The following AMOTL1 variants were observed in gnomAD, a reference collection of about 807,000 sequenced individuals.
The protein encoded by AMOTL1 is angiomotin like 1.
In AMOTL1, 45 loss-of-function variants were observed where a neutral mutation model predicts 102.9. The observed-to-expected ratio is 0.44, with a 90% CI of 0.34 to 0.56. AMOTL1 has a LOEUF of 0.56. Among genes scored for constraint, AMOTL1 ranks in the 20% least tolerant of loss-of-function variants. The pLI, the probability that AMOTL1 is intolerant of heterozygous loss-of-function variation, is 0.01. For synonymous variants in AMOTL1, 481 were observed against 484.7 expected (o/e 0.99, Z 0.10); for missense variants, 1,114 against 1,225.6 (o/e 0.91, Z 1.36).
intron 2 of AMOTL1, among the ~76,000 whole-genome samples, chr11:94,735,342 A>G (rs1950422999): frequency 6.6e-6 from 1 of 152,254 alleles, no homozygotes; most frequent in African/African-American, 2.4e-5. Flanking sequence ...TCTTAGCTCT[A>G]GAAATGCAGC....
At chr11:94,855,009 G>T (rs1467427161) in intron 8 of AMOTL1, among the ~76,000 whole-genome samples, 1 of 152,208 alleles carries the variant, frequency 6.6e-6, no homozygotes, top group African/African-American at 2.4e-5. Context: ...GAAGAAGACT[G>T]GTCAAAGGCT....
intron 6 of AMOTL1, among the ~76,000 whole-genome samples, chr11:94,847,296 G>C (rs528111067): frequency 8.5e-5 from 13 of 152,168 alleles, no homozygotes; most frequent in Non-Finnish European, 1.3e-4. Flanking sequence ...GGGTTTGAAG[G>C]TCGAGTGGAC....
At chr11:94,766,243 C>T (rs1317350540), upstream of AMOTL1, among the ~76,000 whole-genome samples, 3 of 152,182 alleles carry the variant, frequency 2.0e-5, no homozygotes, top group South Asian at 2.1e-4. Flanking sequence ...CTGCAACTAT[C>T]CTAGATAGTC....
chr11:94,721,891 A>G (rs1234150379), intron 1 of AMOTL1, among the ~76,000 whole-genome samples: 1 of 152,108 alleles, frequency 6.6e-6, no homozygotes, highest in Non-Finnish European at 1.5e-5. Context: ...GGCTGTAAAG[A>G]TCTATATATT....
intron 8 of AMOTL1, among the ~76,000 whole-genome samples, chr11:94,856,452 GGTC>G (rs138627018): frequency 0.047 from 7,180 of 152,152 alleles, 552 homozygotes; most frequent in African/African-American, 0.16. Context: ...CCTGTGGGCT[GGTC>G]TGGGGGGCAG....
intron 3 of AMOTL1, among the ~76,000 whole-genome samples, chr11:94,807,843 A>G (rs1381715017): frequency 6.9e-6 from 1 of 145,632 alleles, no homozygotes; most frequent in African/African-American, 2.6e-5. Context: ...AATGCTTAGT[A>G]TCTAAGCTGC....
upstream of AMOTL1, among the ~76,000 whole-genome samples, chr11:94,763,976 T>C (rs1157363317): frequency 6.6e-6 from 1 of 152,234 alleles, no homozygotes; most frequent in Non-Finnish European, 1.5e-5. Context: ...CTGGGGTTGA[T>C]GTGACCATTT....
chr11:94,806,778 G>C lies in AMOTL1; in HGVS notation c.1121+6467G>C, dbSNP rs550404710. ...ATGAGTGACTTCTGTAAACAGGAGG[G>C]TTATCTGTAGCCACCCTGGATAGCA... On this transcript the variant is annotated intron_variant, in intron 3 of 12. Coordinates refer to ENST00000433060, the MANE Select transcript of AMOTL1 (RefSeq NM_130847.3). Among the ~76,000 whole-genome samples the C allele has an allele frequency of 2.2e-3, 335 of 152,262 alleles. 2 individuals carry two copies. Among genetic ancestry groups the C allele is most frequent in the African/African-American group, 7.9e-3 (327 of 41,540 alleles).
intron 3 of AMOTL1, among the ~76,000 whole-genome samples, chr11:94,820,972 G>A (rs1951854626): frequency 6.6e-6 from 1 of 152,206 alleles, no homozygotes; most frequent in Non-Finnish European, 1.5e-5. Context: ...GTGTGGCCCA[G>A]TCCCTAATAG....
At chr11:94,777,041 G>A (rs942510901) in intron 1 of AMOTL1, among the ~76,000 whole-genome samples, 5 of 152,224 alleles carry the variant, frequency 3.3e-5, no homozygotes, top group Admixed American at 2.0e-4. Context: ...AAAAACACAT[G>A]TAAAACCAAT....
At chr11:94,715,138 AGT>A (rs1950077212) in intron 1 of AMOTL1, among the ~76,000 whole-genome samples, 1 of 152,130 alleles carries the variant, frequency 6.6e-6, no homozygotes, top group African/African-American at 2.4e-5. Context: ...CTTATTTAAA[AGT>A]GTGTCATTTA....
At chr11:94,830,281 C>T in intron 5 of AMOTL1, 87 bp downstream of exon 5, 1 of 1,267,438 alleles carries the variant, frequency 7.9e-7, no homozygotes, top group South Asian at 1.6e-5. Flanking sequence ...GAGTGCTTTG[C>T]CACAGGTACT....
At chr11:94,828,600 C>G (rs1334951886) in intron 4 of AMOTL1, among the ~76,000 whole-genome samples, 1 of 152,166 alleles carries the variant, frequency 6.6e-6, no homozygotes, top group Non-Finnish European at 1.5e-5. Flanking sequence ...ATTTACAGGC[C>G]AACTTAAGAC....
intron 3 of AMOTL1, among the ~76,000 whole-genome samples, chr11:94,748,801 A>G (rs984303124): frequency 6.6e-6 from 1 of 152,208 alleles, no homozygotes; most frequent in Non-Finnish European, 1.5e-5. Flanking sequence ...TATTTGACCA[A>G]TAAGAAGCAC....
At chr11:94,733,275 G>A (rs936387084) in intron 2 of AMOTL1, among the ~76,000 whole-genome samples, 1 of 152,136 alleles carries the variant, frequency 6.6e-6, no homozygotes, top group African/African-American at 2.4e-5. Context: ...TTTTTCTTGC[G>A]TACTCTGTAG....
At chr11:94,749,673 C>G (rs1950628502) in intron 3 of AMOTL1, among the ~76,000 whole-genome samples, 1 of 152,270 alleles carries the variant, frequency 6.6e-6, no homozygotes, top group African/African-American at 2.4e-5. Context: ...TTTGCACATA[C>G]CATCTATTTC....
In AMOTL1 at chr11:94,870,812, A is replaced by C; in HGVS notation, c.*17A>C. ...CTCATCTAACTGCCATCCCTGTGGA[A>C]TTTCAGTACAGAACACTGACAAACA... On this transcript the variant is annotated 3_prime_UTR_variant, in exon 13 of 13. Coordinates refer to ENST00000433060, the MANE Select transcript of AMOTL1 (RefSeq NM_130847.3). 6.4e-7 allele frequency: 1 copy of C among 1,569,950 alleles called. No individual in the cohort carries two copies. Among genetic ancestry groups the C allele is most frequent in the Non-Finnish European group, 8.7e-7 (1 of 1,153,324 alleles).
intron 7 of AMOTL1, among the ~76,000 whole-genome samples, chr11:94,850,863 T>A (rs558520539): frequency 6.6e-6 from 1 of 152,192 alleles, no homozygotes. Flanking sequence ...TGAGAAAGTC[T>A]GCCTGAAGTG....
intron 3 of AMOTL1, among the ~76,000 whole-genome samples, chr11:94,749,675 A>G (rs183238922): frequency 2.3e-3 from 346 of 152,286 alleles, no homozygotes; most frequent in African/African-American, 7.8e-3. Context: ...TGCACATACC[A>G]TCTATTTCCT....
Sources: allele counts gnomAD v4.1 joint callset (sites outside exome capture counted in the v4.1 genomes callset), GRCh38; gene constraint gnomAD v4.1.1; transcripts MANE v1.5; gene names NCBI Gene and HGNC (gene_info 2026-07-23, HGNC 2026-07-21).